Variants in VAC14 observed in about 807,000 individuals in gnomAD.
The protein encoded by VAC14 is VAC14 component of PIKFYVE complex.
In VAC14, 47 loss-of-function variants were observed where a neutral mutation model predicts 85.3. That is an observed-to-expected ratio of 0.55 (90% CI 0.44 to 0.70). The LOEUF is 0.70. Ranked by LOEUF, VAC14 falls within the 30% of genes least tolerant of loss-of-function variation. VAC14 has a pLI of 0.00. For synonymous variants in VAC14, 447 were observed against 430.5 expected, an observed-to-expected ratio of 1.04 and a Z score of -0.47; for missense variants, 861 against 1,004.3, an observed-to-expected ratio of 0.86 and a Z score of 1.93.
intron 14 of VAC14, among the ~76,000 whole-genome samples, chr16:70,723,979 C>T (rs1042068763): frequency 6.6e-6 from 1 of 152,190 alleles, no homozygotes; most frequent in Non-Finnish European, 1.5e-5. Flanking sequence ...ACAGGGGTCA[C>T]CCTGAAGGAC....
chr16:70,705,206 C>T (rs2053898572), intron 14 of VAC14, among the ~76,000 whole-genome samples: 1 of 152,206 alleles, frequency 6.6e-6, no homozygotes, highest in South Asian at 2.1e-4. Context: ...TGGGTGCAGG[C>T]TCTGCCCTCC....
intron 9 of VAC14, among the ~76,000 whole-genome samples, chr16:70,773,794 T>C (rs1173813933): frequency 2.0e-5 from 3 of 152,060 alleles, no homozygotes; most frequent in Non-Finnish European, 4.4e-5. Context: ...GATAGAGTCT[T>C]GGCTCTGTTG....
intron 13 of VAC14, among the ~76,000 whole-genome samples, chr16:70,734,251 G>A (rs559087721): frequency 1.3e-5 from 2 of 152,152 alleles, no homozygotes; most frequent in East Asian, 1.9e-4. Flanking sequence ...CAATCCTCCC[G>A]CCTCAGCCTC....
Position 70,692,949 on chromosome 16 carries a change from G to A in VAC14, c.2058C>T (p.Asp686=), listed in dbSNP as rs568088943. 48 of 1,611,210 alleles carry A rather than the reference G, an allele frequency of 3.0e-5. No homozygotes were observed. In the South Asian group the frequency reaches 4.2e-4, roughly 14 times the overall value. ...IFTYLRLQLL[D]VKNNPYLIKA... is the part of the protein sequence containing the mutation. ...TGATCAGGTAGGGGTTGTTCTTCACGTCCAGCAGCTGCAGGCGCAGATCTG... is the reference window on the plus strand; with the variant it reads ...TGATCAGGTAGGGGTTGTTCTTCACATCCAGCAGCTGCAGGCGCAGATCTG... The change falls in exon 18 of 19, where the codon GAC becomes GAT. Residue 686 remains aspartate, a synonymous_variant. Transcript: ENST00000261776.
intron 8 of VAC14, 71 bp downstream of exon 8, chr16:70,781,798 G>C (rs1041741353): frequency 6.3e-6 from 10 of 1,578,158 alleles, no homozygotes; most frequent in South Asian, 1.1e-5. Flanking sequence ...CCAGCCCCCA[G>C]TGCAGGGTCC....
At position 70,731,600 on chromosome 16, in the gene VAC14, G is replaced by A; in HGVS notation, c.1556C>T (p.Ser519Leu). ...AAAGTAAGAATTCATGGTGGGAGTTGAAGGAGAACATTCTAAGCCTTTGGT... is the reference window on the plus strand; with the variant it reads ...AAAGTAAGAATTCATGGTGGGAGTTAAAGGAGAACATTCTAAGCCTTTGGT... ...SGTKGLECSP[S>L]TPTMNSYFYK... Residue 519 changes from serine to leucine, a missense_variant, in exon 14 of 19, where the codon TCA becomes TTA. Around this residue, in one of 3 missense-constraint regions of VAC14, gnomAD observed 629 missense variants for 703.1 expected, o/e 0.89. Coordinates refer to ENST00000261776, the MANE Select transcript of VAC14 (RefSeq NM_018052.5). The A allele has an allele frequency of 6.2e-7, 1 of 1,614,100 alleles. No homozygotes were observed. The highest frequency in any genetic ancestry group is 1.1e-5 in the South Asian group (1 of 91,084).
chr16:70,757,976 G>A (rs987828490), intron 12 of VAC14, among the ~76,000 whole-genome samples: 4 of 152,216 alleles, frequency 2.6e-5, no homozygotes, highest in Non-Finnish European at 4.4e-5. Flanking sequence ...CCCAAAGCCC[G>A]TGCTCTTAAC....
At position 70,800,936 on chromosome 16, in the gene VAC14, C is replaced by T. The variant is rs759589769; in HGVS notation, c.-36G>A. On this transcript the variant is annotated 5_prime_UTR_variant, in exon 1 of 19. Transcript: ENST00000261776. ...GGGGGAACCTCGCGACTCCTTAGCC[C>T]GCGGCTGCCGGGGCCGCGCCGGGGC... The T allele has an allele frequency of 3.1e-5, 46 of 1,504,922 alleles. No individual in the cohort carries two copies. Among genetic ancestry groups the T allele is most frequent in the Non-Finnish European group, 4.0e-5 (45 of 1,121,504 alleles). The allele number at this position is 1,504,922 out of a possible 1,614,324, so 93.2% of individuals were successfully genotyped here.
intron 16 of VAC14, among the ~76,000 whole-genome samples, chr16:70,696,175 A>C (rs757583041): frequency 6.6e-6 from 1 of 152,138 alleles, no homozygotes; most frequent in Non-Finnish European, 1.5e-5. Context: ...CCTGGGTTAC[A>C]TGTCAGGCAC....
At chr16:70,797,099 C>T (rs1010691977) in intron 1 of VAC14, among the ~76,000 whole-genome samples, 1 of 152,134 alleles carries the variant, frequency 6.6e-6, no homozygotes, top group Non-Finnish European at 1.5e-5. Context: ...AATTCAAGAA[C>T]AACGCATTTG....
Position 70,762,645 on chromosome 16 carries a change from T to G in VAC14, c.1306-40A>C, listed in dbSNP as rs776793106. 6.2e-7 allele frequency: 1 copy of G among 1,605,612 alleles called. No individual in the cohort carries two copies. Among genetic ancestry groups the G allele is most frequent in the East Asian group, 2.2e-5 (1 of 44,722 alleles). On this transcript the variant is annotated intron_variant, in intron 11 of 18. Coordinates refer to ENST00000261776, the MANE Select transcript of VAC14 (RefSeq NM_018052.5). The surrounding 1 kb of genome is among the most constrained non-coding windows in gnomAD (Gnocchi z 4.1). ...AGCAGGGGTGCCCGTGAGTGCTCCC[T>G]TCGCCCCGGGACTACGTGCAGTGCA...
chr16:70,755,935 A>G, intron 12 of VAC14: 1 of 448,986 alleles, frequency 2.2e-6, no homozygotes, highest in Non-Finnish European at 4.5e-6. Flanking sequence ...CTCACAGCAC[A>G]GCTCGGGGGT....
intron 1 of VAC14, among the ~76,000 whole-genome samples, chr16:70,797,255 G>C (rs1297989123): frequency 6.6e-6 from 1 of 152,166 alleles, no homozygotes; most frequent in East Asian, 1.9e-4. Flanking sequence ...TTCAAAGCCA[G>C]TGATGATCCG....
intron 1 of VAC14, 93 bp from the exon 2 acceptor site, chr16:70,786,458 G>A (rs2034065114): frequency 6.6e-7 from 1 of 1,515,992 alleles, no homozygotes. Flanking sequence ...GAGATGACCT[G>A]TTTGGAAAGA....
chr16:70,748,591 C>T (rs144773937), intron 12 of VAC14, among the ~76,000 whole-genome samples: 133 of 152,284 alleles, frequency 8.7e-4, no homozygotes, highest in Middle Eastern at 6.8e-3. Flanking sequence ...GGAATGGGGC[C>T]AGAGGTGAGG....
chr16:70,727,724 A>C (rs974865870), intron 14 of VAC14, among the ~76,000 whole-genome samples: 1 of 152,246 alleles, frequency 6.6e-6, no homozygotes, highest in Non-Finnish European at 1.5e-5. Flanking sequence ...CCTCCACCTC[A>C]ACAAAGCTCT....
chr16:70,740,112 C>G (rs2030123213), intron 13 of VAC14, among the ~76,000 whole-genome samples: 1 of 152,066 alleles, frequency 6.6e-6, no homozygotes, highest in Non-Finnish European at 1.5e-5. Flanking sequence ...AGGCACGCAC[C>G]ACTACGCCCA....
chr16:70,714,789 T>A (rs1239324311), intron 14 of VAC14: 2 of 152,250 alleles, frequency 1.3e-5, no homozygotes, highest in Non-Finnish European at 2.9e-5. Context: ...AGAACCCTGG[T>A]CAAGCCAGCT....
intron 14 of VAC14, among the ~76,000 whole-genome samples, chr16:70,724,630 T>C (rs2142999815): frequency 6.6e-6 from 1 of 152,292 alleles, no homozygotes; most frequent in East Asian, 1.9e-4. Context: ...GAGCCGGTTG[T>C]GTAAAGCGGC....
Sources: allele counts gnomAD v4.1 joint callset (sites outside exome capture counted in the v4.1 genomes callset), GRCh38; gene constraint gnomAD v4.1.1; regional missense constraint gnomAD v4.1.1; non-coding constraint Gnocchi (gnomAD v3.1); transcripts MANE v1.5; gene names NCBI Gene and HGNC (gene_info 2026-07-23, HGNC 2026-07-21).